SNX8: variants seen among roughly 807,000 people sequenced by gnomAD.
SNX8 encodes the protein sorting nexin-8.
SNX8 carries 25 observed loss-of-function variants against 51.6 expected under a neutral mutation model. The observed-to-expected ratio is 0.48, with a 90% CI of 0.35 to 0.68. The LOEUF is 0.68. SNX8 is among the 30% of genes least tolerant of loss of function. The pLI, the probability that SNX8 is intolerant of heterozygous loss-of-function variation, is 0.00. For synonymous variants in SNX8, 324 were observed against 277.0 expected, an observed-to-expected ratio of 1.17 and a Z score of -1.68; for missense variants, 695 against 624.0, an observed-to-expected ratio of 1.11 and a Z score of -1.21.
At chr7:2,311,906 C>A (rs1164532476) in intron 1 of SNX8, among the ~76,000 whole-genome samples, 1 of 151,376 alleles carries the variant, frequency 6.6e-6, no homozygotes, top group Non-Finnish European at 1.5e-5. Context: ...CACTGCACTC[C>A]AGCCTGGGCG....
In SNX8 at chr7:2,275,247, G is replaced by T; in HGVS notation, c.301-18C>A. On this transcript the variant is annotated intron_variant, in intron 2 of 10. Coordinates refer to ENST00000222990, the MANE Select transcript of SNX8 (RefSeq NM_013321.4). ...TTGAAGCGCTGCAAGAGAAGGGTCG[G>T]TGCTTAGATCCGACGTTGGAAACTA... The T allele has an allele frequency of 6.4e-7, 1 of 1,560,754 alleles. No individual in the cohort carries two copies. Among genetic ancestry groups the T allele is most frequent in the Non-Finnish European group, 8.8e-7 (1 of 1,131,486 alleles).
intron 1 of SNX8, among the ~76,000 whole-genome samples, chr7:2,282,152 ACTTC>A (rs1795921052): frequency 6.6e-6 from 1 of 152,170 alleles, no homozygotes; most frequent in Non-Finnish European, 1.5e-5. Flanking sequence ...AGTGTCCCTG[ACTTC>A]CTTCCAGATT....
chr7:2,335,170 T>A (rs529551638), intron 1 of SNX8, among the ~76,000 whole-genome samples: 1 of 151,650 alleles, frequency 6.6e-6, no homozygotes, highest in East Asian at 1.9e-4. Flanking sequence ...CACTCCAGCC[T>A]GGGCAACAGA....
chr7:2,275,519 T>C (rs1419823823), intron 2 of SNX8, among the ~76,000 whole-genome samples: 1 of 150,786 alleles, frequency 6.6e-6, no homozygotes, highest in Non-Finnish European at 1.5e-5. Context: ...CTGGCCAACA[T>C]GGCAAAATCC....
At chr7:2,303,281 T>G (rs1315976052) in intron 1 of SNX8, among the ~76,000 whole-genome samples, 1 of 123,306 alleles carries the variant, frequency 8.1e-6, no homozygotes, top group Non-Finnish European at 1.6e-5. Context: ...GGGAGGGAGG[T>G]GGGGGGGTCA....
chr7:2,267,828 A>C (rs1424650754), intron 5 of SNX8, among the ~76,000 whole-genome samples: 7 of 120,902 alleles, frequency 5.8e-5, no homozygotes, highest in Non-Finnish European at 1.0e-4. Context: ...GAAAGTGAGG[A>C]GCGTCTCCGC....
At chr7:2,269,523 TAAAAAAAAA>T (rs375189373) in intron 5 of SNX8, 27 bp downstream of exon 5, 23 of 894,232 alleles carry the variant, frequency 2.6e-5, no homozygotes, top group East Asian at 1.4e-4. Flanking sequence ...AAAAATAAAT[TAAAAAAAAA>T]AAAAAAGAAA....
At chr7:2,299,059 G>C (rs1316186541) in intron 1 of SNX8, among the ~76,000 whole-genome samples, 1 of 152,018 alleles carries the variant, frequency 6.6e-6, no homozygotes, top group Non-Finnish European at 1.5e-5. Context: ...CACAGACAGA[G>C]CAAGCTGCTG....
intron 1 of SNX8, among the ~76,000 whole-genome samples, chr7:2,328,161 C>T (rs1334324473): frequency 6.6e-6 from 1 of 152,058 alleles, no homozygotes. Flanking sequence ...AAGTGATTCT[C>T]CTGCCTCAGC....
At chr7:2,341,756 G>A (rs777403154) in intron 1 of SNX8, among the ~76,000 whole-genome samples, 3 of 152,012 alleles carry the variant, frequency 2.0e-5, no homozygotes, top group Admixed American at 6.6e-5. Context: ...GGAGGCTGAC[G>A]CAGGCAGATC....
At chr7:2,353,864 C>T (rs560321553) in intron 1 of SNX8, among the ~76,000 whole-genome samples, 37 of 152,296 alleles carry the variant, frequency 2.4e-4, no homozygotes, top group Middle Eastern at 3.4e-3. Flanking sequence ...CCCACCTCAG[C>T]CTCCCAAAGT....
At chr7:2,269,530 A>G in intron 5 of SNX8, 29 bp downstream of exon 5, 3 of 1,350,872 alleles carry the variant, frequency 2.2e-6, no homozygotes, top group South Asian at 1.4e-5. Context: ...AATTAAAAAA[A>G]AAAAAAAAGA....
chr7:2,283,361 C>T (rs546541743), intron 1 of SNX8, among the ~76,000 whole-genome samples: 2 of 152,304 alleles, frequency 1.3e-5, no homozygotes, highest in South Asian at 2.1e-4. Context: ...GCTGACCCAG[C>T]GTGGGGCTAC....
At chr7:2,327,404 T>C (rs1778641722) in intron 1 of SNX8, among the ~76,000 whole-genome samples, 1 of 148,844 alleles carries the variant, frequency 6.7e-6, no homozygotes, top group Non-Finnish European at 1.5e-5. Context: ...CATGCCTGGC[T>C]AATTTTTTTA....
rs58575861 is a variant in SNX8, at chr7:2,323,865, G to A, written c.-66+30357C>T. On this transcript the variant is annotated intron_variant, in intron 1 of 5. Transcript: ENST00000435336. ...CTGTTGCCCAGGCTTGAGTGCAGTG[G>A]CACCATCTCGGCTCACTGCAACCTC... 6.9e-3 allele frequency among the ~76,000 whole-genome samples: 1,046 copies of A among 152,152 alleles called. 7 individuals carry two copies. The highest frequency in any genetic ancestry group is 0.024 in the African/African-American group (977 of 41,514).
chr7:2,345,756 T>C (rs1779010710), intron 1 of SNX8, among the ~76,000 whole-genome samples: 1 of 152,136 alleles, frequency 6.6e-6, no homozygotes, highest in East Asian at 1.9e-4. Flanking sequence ...TGTGATATTA[T>C]TGTGTACTTC....
intron 1 of SNX8, among the ~76,000 whole-genome samples, chr7:2,284,079 G>A (rs1271801725): frequency 2.6e-5 from 4 of 152,176 alleles, no homozygotes; most frequent in Middle Eastern, 3.4e-3. Context: ...ACAGGCACCC[G>A]CCACCACGCC....
In SNX8 at chr7:2,302,356, G is replaced by A. The variant is rs141081841; in HGVS notation, c.94+11972C>T. 5.8e-3 allele frequency among the ~76,000 whole-genome samples: 884 copies of A among 152,330 alleles called. 38 individuals are homozygous for A. In the East Asian group the frequency reaches 0.11, roughly 19 times the overall value. On this transcript the variant is annotated intron_variant, in intron 1 of 10. Transcript: ENST00000222990. The stretch of plus-strand genomic sequence containing the variant: ...TAACCGTGAGTGATCCACCAGCCTC[G>A]GCCTCCCGAGGTGCCGGGATTGCAG...
intron 1 of SNX8, among the ~76,000 whole-genome samples, chr7:2,309,039 TCGGCCTCCC>T (rs1416679682): frequency 6.6e-6 from 1 of 152,018 alleles, no homozygotes; most frequent in Non-Finnish European, 1.5e-5. Flanking sequence ...TCCGCCCACC[TCGGCCTCCC>T]AAAGTGCTGG....
Sources: allele counts gnomAD v4.1 joint callset (sites outside exome capture counted in the v4.1 genomes callset), GRCh38; gene constraint gnomAD v4.1.1; transcripts MANE v1.5; gene names NCBI Gene and HGNC (gene_info 2026-07-23, HGNC 2026-07-21).